The following ZNF407 variants were observed in gnomAD, a reference collection of about 807,000 sequenced individuals.
ZNF407 encodes zinc finger protein 407.
ZNF407 carries 17 observed loss-of-function variants against 131.2 expected under a neutral mutation model. That is an observed-to-expected ratio of 0.13 (90% CI 0.09 to 0.19). The LOEUF (loss-of-function observed/expected upper bound fraction) is 0.19, where lower values mean the gene tolerates loss of function less well. Ranked by LOEUF, ZNF407 falls within the 10% of genes least tolerant of loss-of-function variation. The pLI is 1.00. For synonymous variants in ZNF407, 1,156 were observed against 1,062.0 expected (o/e 1.09, Z -1.72); for missense variants, 2,681 against 2,830.6 (o/e 0.95, Z 1.20).
intron 8 of ZNF407, among the ~76,000 whole-genome samples, chr18:74,924,623 G>A (rs1258635489): frequency 2.6e-5 from 4 of 152,062 alleles, no homozygotes; most frequent in Non-Finnish European, 5.9e-5. Flanking sequence ...TTAAATACAT[G>A]TCTGTGTTTG....
intron 8 of ZNF407, among the ~76,000 whole-genome samples, chr18:74,928,507 T>C (rs1027538157): frequency 3.3e-5 from 5 of 152,218 alleles, no homozygotes; most frequent in African/African-American, 1.2e-4. Flanking sequence ...GGAGATTCTC[T>C]ACAGAATGCA....
intron 8 of ZNF407, among the ~76,000 whole-genome samples, chr18:74,941,475 G>T (rs1023507165): frequency 6.6e-6 from 1 of 152,178 alleles, no homozygotes; most frequent in African/African-American, 2.4e-5. Flanking sequence ...TTCATTAATT[G>T]AGGGATCATG....
intron 8 of ZNF407, among the ~76,000 whole-genome samples, chr18:75,014,583 G>GT (rs1402025558): frequency 4.6e-5 from 7 of 151,932 alleles, no homozygotes; most frequent in African/African-American, 1.4e-4. Context: ...TGTCACCCTC[G>GT]TAAGTGGTCA....
At chr18:74,664,148 G>A (rs572118756) in intron 3 of ZNF407, among the ~76,000 whole-genome samples, 71 of 152,306 alleles carry the variant, frequency 4.7e-4, no homozygotes, top group African/African-American at 1.5e-3. Flanking sequence ...TATACACTGC[G>A]TCTGTTCCAG....
chr18:75,025,659 T>C (rs1215287278), intron 8 of ZNF407, among the ~76,000 whole-genome samples: 1 of 152,210 alleles, frequency 6.6e-6, no homozygotes, highest in African/African-American at 2.4e-5. Context: ...AGCAGTTTCT[T>C]TGAAGAGTTT....
intron 8 of ZNF407, among the ~76,000 whole-genome samples, chr18:74,971,288 C>T (rs375166410): frequency 9.2e-5 from 14 of 152,342 alleles, no homozygotes; most frequent in Middle Eastern, 3.4e-3. Context: ...TTGCTACTTA[C>T]GCAAATTTCT....
At chr18:74,735,135 ATACTG>A (rs1176055844) in intron 3 of ZNF407, among the ~76,000 whole-genome samples, 1 of 152,200 alleles carries the variant, frequency 6.6e-6, no homozygotes. Context: ...TTGAAGGAAA[ATACTG>A]TATAGTTGTT....
intron 6 of ZNF407, among the ~76,000 whole-genome samples, chr18:74,883,705 C>T (rs1294766244): frequency 1.3e-5 from 2 of 152,140 alleles, no homozygotes; most frequent in East Asian, 1.9e-4. Context: ...GCGGTCAGCC[C>T]GTCTGACGGA....
intron 4 of ZNF407, chr18:74,804,240 G>T (rs1023560054): frequency 1.8e-5 from 22 of 1,229,856 alleles, no homozygotes; most frequent in Non-Finnish European, 2.1e-5. Context: ...TGATTTTCTG[G>T]AAGGAACTGT....
chr18:75,038,528 A>G (rs1460533314), intron 8 of ZNF407, among the ~76,000 whole-genome samples: 12 of 152,214 alleles, frequency 7.9e-5, no homozygotes, highest in Admixed American at 3.3e-4. Context: ...TATCAATAAT[A>G]AAAAGTGTGA....
At position 75,064,637 on chromosome 18, in the gene ZNF407, GC is replaced by G; in HGVS notation, c.*172del. ...GAGTCACACTGGCCACCAGCCAGGC[GC>G]CCACAGAGGGTACCGTGGGCTGGGC... On this transcript the variant is annotated 3_prime_UTR_variant, in exon 9 of 9. Transcript: ENST00000299687. 1.6e-6 allele frequency: 1 copy of G among 622,930 alleles called. No homozygotes were observed. Among genetic ancestry groups the G allele is most frequent in the Non-Finnish European group, 2.5e-6 (1 of 394,550 alleles). 38.6% of individuals were successfully genotyped at this position (622,930 alleles called of 1,614,324 possible). A position where few individuals can be genotyped will look rare whatever the true frequency, so the allele number is the denominator to read the frequency against.
At chr18:74,800,836 A>C (rs1252103053) in intron 4 of ZNF407, among the ~76,000 whole-genome samples, 1 of 152,132 alleles carries the variant, frequency 6.6e-6, no homozygotes, top group African/African-American at 2.4e-5. Flanking sequence ...TTCATTTGTC[A>C]GTGATTTGCC....
chr18:74,968,444 T>G (rs1972433786), intron 8 of ZNF407, among the ~76,000 whole-genome samples: 1 of 152,232 alleles, frequency 6.6e-6, no homozygotes, highest in Non-Finnish European at 1.5e-5. Context: ...CTTTTGTCAT[T>G]TCTTGTGTTC....
At chr18:74,747,152 GT>G (rs551601056) in intron 3 of ZNF407, among the ~76,000 whole-genome samples, 123 of 46,908 alleles carry the variant, frequency 2.6e-3, no homozygotes, top group African/African-American at 3.7e-3. Flanking sequence ...TTCGTTTCTA[GT>G]TTTTTTTTCA....
intron 3 of ZNF407, among the ~76,000 whole-genome samples, chr18:74,727,694 G>C (rs1013464330): frequency 1.3e-5 from 2 of 152,212 alleles, no homozygotes; most frequent in African/African-American, 4.8e-5. Flanking sequence ...AGGGAGATGA[G>C]AGCAAAGGTA....
intron 8 of ZNF407, among the ~76,000 whole-genome samples, chr18:75,026,762 A>C (rs1348749673): frequency 6.6e-6 from 1 of 152,214 alleles, no homozygotes; most frequent in Non-Finnish European, 1.5e-5. Flanking sequence ...CTTTGAGCAT[A>C]GATTATACCG....
intron 8 of ZNF407, among the ~76,000 whole-genome samples, chr18:74,963,688 G>A (rs868649506): frequency 1.3e-4 from 20 of 152,222 alleles, no homozygotes; most frequent in African/African-American, 4.3e-4. Flanking sequence ...TTTACATTCA[G>A]CTTTTTAAAC....
intron 4 of ZNF407, among the ~76,000 whole-genome samples, chr18:74,828,180 T>G (rs1286507923): frequency 2.6e-5 from 4 of 152,212 alleles, no homozygotes; most frequent in Non-Finnish European, 5.9e-5. Flanking sequence ...AGTGAGATTC[T>G]TAATACATTA....
At chr18:74,755,728 CCTTTCTTTCTTT>C (rs765042437) in intron 3 of ZNF407, among the ~76,000 whole-genome samples, 51 of 63,476 alleles carry the variant, frequency 8.0e-4, no homozygotes, top group African/African-American at 2.1e-3. Context: ...TTCTTTCTTT[CCTTTCTTTCTTT>C]CTTTCTTTCT....
Sources: gnomAD v4.1 joint callset for allele counts (sites outside exome capture counted in the v4.1 genomes callset) on GRCh38, gnomAD v4.1.1 for gene constraint, MANE v1.5 for transcripts, NCBI Gene and HGNC (gene_info 2026-07-23, HGNC 2026-07-21) for gene names.